Variants in CADPS2 observed in about 807,000 individuals in gnomAD.
CADPS2 encodes calcium dependent secretion activator 2.
A neutral mutation model predicts 172.5 loss-of-function variants in CADPS2; 93 were observed. The observed-to-expected ratio is 0.54, with a 90% CI of 0.46 to 0.64. CADPS2 has a LOEUF of 0.64. Ranked by LOEUF, CADPS2 falls within the 30% of genes least tolerant of loss-of-function variation. The pLI, the probability that CADPS2 is intolerant of heterozygous loss-of-function variation, is 0.00. For synonymous variants in CADPS2, 546 were observed against 555.2 expected, an observed-to-expected ratio of 0.98 and a Z score of 0.23; for missense variants, 1,420 against 1,565.9, an observed-to-expected ratio of 0.91 and a Z score of 1.57.
intron 23 of CADPS2, among the ~76,000 whole-genome samples, chr7:122,388,204 T>C (rs1585514535): frequency 6.6e-6 from 1 of 152,020 alleles, no homozygotes; most frequent in Admixed American, 6.6e-5. Flanking sequence ...TACTATGCCA[T>C]TTCACAGCAC....
rs1453811730 is a variant in CADPS2, at chr7:122,697,268, G to A, written c.454-33699C>T. Among the ~76,000 whole-genome samples the A allele has an allele frequency of 2.0e-5, 3 of 151,980 alleles. No individual in the cohort carries two copies. The East Asian group carries it at 5.8e-4, about 29-fold the overall frequency. ...TCAAGAATAAGAATAATAAGATTTT[G>A]TAAAATGTTCATGCCAAGAATGCAA... On this transcript the variant is annotated intron_variant, in intron 2 of 29. Coordinates refer to ENST00000449022, the MANE Select transcript of CADPS2 (RefSeq NM_017954.11).
At chr7:122,597,274 C>T (rs768326794) in intron 6 of CADPS2, among the ~76,000 whole-genome samples, 2 of 152,026 alleles carry the variant, frequency 1.3e-5, no homozygotes, top group Non-Finnish European at 2.9e-5. Flanking sequence ...TAAGTCCTGC[C>T]TCACATAATT....
intron 20 of CADPS2, among the ~76,000 whole-genome samples, chr7:122,398,123 T>C (rs2045414690): frequency 6.6e-6 from 1 of 152,174 alleles, no homozygotes; most frequent in South Asian, 2.1e-4. Flanking sequence ...AAATCCCCGA[T>C]AATAAATTAG....
intron 25 of CADPS2, among the ~76,000 whole-genome samples, chr7:122,366,536 T>G (rs2040874213): frequency 6.7e-6 from 1 of 148,922 alleles, no homozygotes; most frequent in South Asian, 2.1e-4. Context: ...ACCTGGGAGA[T>G]GGAGGTTGAA....
chr7:122,444,991 G>A (rs1171921322), intron 15 of CADPS2, among the ~76,000 whole-genome samples: 1 of 152,092 alleles, frequency 6.6e-6, no homozygotes, highest in Admixed American at 6.6e-5. Flanking sequence ...AATAGTTCCG[G>A]TAGCATCTGT....
At chr7:122,716,544 G>C (rs373485616) in intron 2 of CADPS2, among the ~76,000 whole-genome samples, 3 of 152,066 alleles carry the variant, frequency 2.0e-5, no homozygotes, top group Non-Finnish European at 4.4e-5. Context: ...TCGGGGGAGC[G>C]GGGAGGGATA....
chr7:122,353,428 C>T (rs574696658), intron 27 of CADPS2, among the ~76,000 whole-genome samples: 2 of 152,186 alleles, frequency 1.3e-5, no homozygotes, highest in East Asian at 3.9e-4. Flanking sequence ...GGCATCAGTA[C>T]GATTAAGCCA....
chr7:122,707,959 A>G (rs985681159), intron 2 of CADPS2, among the ~76,000 whole-genome samples: 2 of 151,858 alleles, frequency 1.3e-5, no homozygotes, highest in African/African-American at 4.8e-5. Flanking sequence ...TATATATTTT[A>G]AGTAAATTTT....
At chr7:122,631,097 G>A (rs939714087) in intron 3 of CADPS2, among the ~76,000 whole-genome samples, 1 of 152,034 alleles carries the variant, frequency 6.6e-6, no homozygotes, top group Non-Finnish European at 1.5e-5. Context: ...CTCATTCCAA[G>A]CTCCTAAAAA....
intron 14 of CADPS2, 112 bp from the exon 15 acceptor site, chr7:122,451,587 AT>A: frequency 3.6e-6 from 2 of 550,144 alleles, no homozygotes; most frequent in Non-Finnish European, 6.1e-6. Flanking sequence ...ATACATATTA[AT>A]TGTGTTTACA....
chr7:122,342,534 A>G (rs1189557893), intron 28 of CADPS2, among the ~76,000 whole-genome samples: 1 of 152,194 alleles, frequency 6.6e-6, no homozygotes, highest in African/African-American at 2.4e-5. Context: ...ATTTAGTATT[A>G]CATGCTTTCC....
chr7:122,775,594 T>C (rs2093853775), intron 1 of CADPS2, among the ~76,000 whole-genome samples: 1 of 152,204 alleles, frequency 6.6e-6, no homozygotes, highest in Admixed American at 6.5e-5. Context: ...TGTGCCATAT[T>C]TCTTTTGTAC....
chr7:122,487,011 CTT>C (rs535575706), intron 11 of CADPS2, among the ~76,000 whole-genome samples: 34,262 of 122,298 alleles, frequency 0.28, 3,456 homozygotes, highest in Middle Eastern at 0.35. Context: ...ATAAACATAA[CTT>C]TTTTTTTTTT....
intron 4 of CADPS2, among the ~76,000 whole-genome samples, chr7:122,627,223 C>T (rs1288637852): frequency 3.9e-5 from 6 of 152,162 alleles, no homozygotes; most frequent in Non-Finnish European, 4.4e-5. Context: ...ATAAAATTGA[C>T]TTCATGATAT....
intron 9 of CADPS2, among the ~76,000 whole-genome samples, chr7:122,497,718 G>A (rs560281030): frequency 2.0e-3 from 299 of 152,048 alleles, no homozygotes; most frequent in Non-Finnish European, 2.9e-3. Flanking sequence ...TTCTTGACTC[G>A]CACTCTGTCA....
chr7:122,839,927 T>G (rs1236799349), intron 1 of CADPS2, among the ~76,000 whole-genome samples: 1 of 152,250 alleles, frequency 6.6e-6, no homozygotes, highest in Non-Finnish European at 1.5e-5. Context: ...ATCCCATTAC[T>G]GGGTGTATAC....
intron 1 of CADPS2, among the ~76,000 whole-genome samples, chr7:122,758,790 T>A (rs2093267778): frequency 6.6e-6 from 1 of 152,220 alleles, no homozygotes; most frequent in South Asian, 2.1e-4. Flanking sequence ...CATGAAAGCC[T>A]TGGGGATTAA....
intron 8 of CADPS2, among the ~76,000 whole-genome samples, chr7:122,530,366 A>C (rs1405012040): frequency 7.0e-6 from 1 of 143,756 alleles, no homozygotes; most frequent in Non-Finnish European, 1.5e-5. Flanking sequence ...GCTTCACTCT[A>C]TCTGAAAGTA....
intron 28 of CADPS2, among the ~76,000 whole-genome samples, chr7:122,335,444 T>C (rs960487960): frequency 6.6e-6 from 1 of 152,154 alleles, no homozygotes; most frequent in Non-Finnish European, 1.5e-5. Context: ...AGATGGAGTT[T>C]CACCATGTTG....
Sources: gnomAD v4.1 joint callset for allele counts (sites outside exome capture counted in the v4.1 genomes callset) on GRCh38, gnomAD v4.1.1 for gene constraint, MANE v1.5 for transcripts, NCBI Gene and HGNC (gene_info 2026-07-23, HGNC 2026-07-21) for gene names.